Variants in RPL23A observed in about 807,000 individuals in gnomAD.
RPL23A encodes ribosomal protein L23a, also known as large ribosomal subunit protein uL23.
A neutral mutation model predicts 17.6 loss-of-function variants in RPL23A; 2 were observed. The ratio of observed to expected loss-of-function variants is 0.11; its 90% CI spans 0.05 to 0.36. The LOEUF (loss-of-function observed/expected upper bound fraction) is 0.36. Among genes scored for constraint, RPL23A ranks in the 10% least tolerant of loss-of-function variants. RPL23A has a pLI of 1.00. For missense variants in RPL23A, 132 were observed against 194.4 expected, an observed-to-expected ratio of 0.68 and a Z score of 1.91; for synonymous variants, 65 against 74.3, an observed-to-expected ratio of 0.87 and a Z score of 0.65.
In RPL23A at chr17:28,723,183, T is replaced by G. The variant is rs532652672; in HGVS notation, c.386+284T>G. On this transcript the variant is annotated intron_variant, in intron 3 of 4. Transcript: ENST00000422514. ...AAAAGGTTCCTTGACTTAAACTTGG[T>G]GTAGGTTTAGCAGTGTGTGTGAGCC... 29 of 518,560 alleles carry G rather than the reference T, an allele frequency of 5.6e-5. No individual in the cohort carries two copies. The Admixed American group carries it at 7.7e-4, about 14-fold the overall frequency. 32.1% of individuals were successfully genotyped at this position (518,560 alleles called of 1,614,324 possible). A position where few individuals can be genotyped will look rare whatever the true frequency, so the allele number is the denominator to read the frequency against.
In RPL23A at chr17:28,720,764, T is replaced by A; in HGVS notation, c.83T>A (p.Val28Glu). ...AAGGCTTTAAAGGCCAAGAAGGCAGTGTTGAAAGGTGTCCACAGCCACAAA... is the reference window on the plus strand; with the variant it reads ...AAGGCTTTAAAGGCCAAGAAGGCAGAGTTGAAAGGTGTCCACAGCCACAAA... ...KAKALKAKKA[V>E]LKGVHSHKKK... Residue 28 changes from valine to glutamate, a missense_variant, in exon 2 of 5, where the codon GTG (valine) becomes GAG (glutamate). Val to Glu is a moderately radical substitution (Grantham distance 121, BLOSUM62 -2). Around this residue, in one of 2 missense-constraint regions of RPL23A, gnomAD observed 63 missense variants for 48.9 expected, o/e 1.29. Coordinates refer to ENST00000422514, the MANE Select transcript of RPL23A (RefSeq NM_000984.6). 6.2e-7 allele frequency: 1 copy of A among 1,612,922 alleles called. No homozygotes were observed. Among genetic ancestry groups the A allele is most frequent in the South Asian group, 1.1e-5 (1 of 91,050 alleles).
At position 28,720,014 on chromosome 17, in the gene RPL23A, G is replaced by A. The variant is rs1337583092; in HGVS notation, c.9G>A (p.Pro3=). The change falls in exon 1 of 5, where the codon CCG becomes CCA. Residue 3 remains proline (P), a synonymous_variant. Transcript: ENST00000422514. ...GAGACCCTTTTCACAAGATGGCGCC[G>A]AAAGCGAAGAAGGAAGGTGTGTGTT... The part of the protein sequence containing the change: MA[P]KAKKEAPAPP... 2 of 1,551,908 alleles carry A rather than the reference G, an allele frequency of 1.3e-6. No homozygotes were observed. The highest frequency in any genetic ancestry group is 1.7e-6 in the Non-Finnish European group (2 of 1,147,070).
rs371572344 is a variant in RPL23A at position 28,722,753 on chromosome 17, G to A, written c.240G>A (p.Pro80=). 5.4e-5 allele frequency: 87 copies of A among 1,613,870 alleles called. No homozygotes were observed. The highest frequency in any genetic ancestry group is 1.7e-4 in the Middle Eastern group (1 of 6,040). Residue 80 remains proline (P), a synonymous_variant, in exon 3 of 5, where the codon CCG becomes CCA. Coordinates refer to ENST00000422514, the MANE Select transcript of RPL23A (RefSeq NM_000984.6). ...ACCACTATGCTATCATCAAGTTTCC[G>A]CTGACCACTGAGTCTGCCATGAAGA... ...KLDHYAIIKF[P]LTTESAMKKI... is the part of the protein sequence containing the mutation.
At chr17:28,722,381 G>T in intron 2 of RPL23A, 1 of 386,412 alleles carries the variant, frequency 2.6e-6, no homozygotes, top group East Asian at 6.3e-5. Flanking sequence ...GTTTCACCAT[G>T]TTGGCCAGGA....
At chr17:28,723,443 A>G in intron 3 of RPL23A, 128 bp from the exon 4 acceptor site, 1 of 813,840 alleles carries the variant, frequency 1.2e-6, no homozygotes, top group Non-Finnish European at 2.2e-6. Flanking sequence ...TAATGATGGA[A>G]AAATCATTAT....
intron 1 of RPL23A, chr17:28,720,342 G>A (rs1466426032): frequency 1.3e-6 from 2 of 1,551,706 alleles, no homozygotes; most frequent in Non-Finnish European, 1.7e-6. Context: ...AGGAATTAGT[G>A]CCCTCAGCTT....
chr17:28,720,899 T>G lies in RPL23A; in HGVS notation c.209+9T>G. 1 of 1,612,098 alleles carries G rather than the reference T, an allele frequency of 6.2e-7. No individual in the cohort carries two copies. The highest frequency in any genetic ancestry group is 8.5e-7 in the Non-Finnish European group (1 of 1,178,266). ...GCTCCCAGGAGAAACAAGTCAGTAC[T>G]GCCCCCTGTACCCATGAAAAGATTT... On this transcript the variant is annotated intron_variant, in intron 2 of 4. Transcript: ENST00000422514.
Position 28,722,714 on chromosome 17 carries a change from C to T in RPL23A, c.210-9C>T, listed in dbSNP as rs1190496739. 1.9e-6 allele frequency: 3 copies of T among 1,613,852 alleles called. No individual in the cohort carries two copies. Among genetic ancestry groups the T allele is most frequent in the African/African-American group, 1.3e-5 (1 of 74,924 alleles). ...CCCAGGCCAGGTGACCCCATTTTGC[C>T]TCTCCCAGGCTTGACCACTATGCTA... is the stretch of plus-strand genomic sequence containing the variant. On this transcript the variant is annotated splice_polypyrimidine_tract_variant and intron_variant, in intron 2 of 4. Coordinates refer to ENST00000422514, the MANE Select transcript of RPL23A (RefSeq NM_000984.6).
At chr17:28,720,477 C>G in intron 1 of RPL23A, 2 of 1,593,866 alleles carry the variant, frequency 1.3e-6, no homozygotes, top group Non-Finnish European at 1.7e-6. Context: ...ATCAAGCGTT[C>G]ATTCAGTGCT....
At chr17:28,722,260 AAAAG>A (rs1220516467) in intron 2 of RPL23A, 1 of 245,990 alleles carries the variant, frequency 4.1e-6, no homozygotes, top group Admixed American at 4.8e-5. Context: ...AAAAAAAAAA[AAAAG>A]GAATTTGCCC....
At position 28,723,271 on chromosome 17, in the gene RPL23A, G is replaced by T. The variant is rs990863413; in HGVS notation, c.387-300G>T. ...TTTGTGTGGACCTGAGGCTTTCTAG[G>T]ACTTGATTGGGGGTTGGTCCTCATT... On this transcript the variant is annotated intron_variant, in intron 3 of 4. Coordinates refer to ENST00000422514, the MANE Select transcript of RPL23A (RefSeq NM_000984.6). 65 of 567,944 alleles carry T rather than the reference G, an allele frequency of 1.1e-4. No homozygotes were observed. In the African/African-American group the frequency reaches 1.2e-3, roughly 10 times the overall value. 35.2% of individuals were successfully genotyped at this position (567,944 alleles called of 1,614,324 possible).
chr17:28,723,113 T>C (rs527578097), intron 3 of RPL23A, among the ~76,000 whole-genome samples: 2 of 131,508 alleles, frequency 1.5e-5, no homozygotes, highest in African/African-American at 5.6e-5. Context: ...AGGCCCTTTT[T>C]AAAAAAAAAA....
intron 2 of RPL23A, chr17:28,722,455 C>G (rs2034132345): frequency 1.8e-6 from 1 of 565,354 alleles, no homozygotes; most frequent in African/African-American, 1.9e-5. Context: ...GGGAATACAG[C>G]CATGAGCCAG....
At position 28,723,051 on chromosome 17, in the gene RPL23A, C is replaced by T. The variant is rs1378956580; in HGVS notation, c.386+152C>T. The T allele has an allele frequency of 4.8e-5, 31 of 644,328 alleles. No individual in the cohort carries two copies. The South Asian group carries it at 4.9e-4, about 10-fold the overall frequency. 39.9% of individuals were successfully genotyped at this position (644,328 alleles called of 1,614,324 possible). A position where few individuals can be genotyped will look rare whatever the true frequency, so the allele number is the denominator to read the frequency against. ...AGCTATGCAGGAGGATCTCTTGAGG[C>T]CAGGAATCACCCATGATTGCCCCAT... On this transcript the variant is annotated intron_variant, in intron 3 of 4. Coordinates refer to ENST00000422514, the MANE Select transcript of RPL23A (RefSeq NM_000984.6).
rs2034167040 is a variant in RPL23A, at chr17:28,724,082, C to T, written c.*201C>T. ...CACCATGTATGATCATTCCAGAGAT[C>T]TTTGTGACTAGAGTTAGTGTCCTAG... is the stretch of plus-strand genomic sequence containing the variant. On this transcript the variant is annotated 3_prime_UTR_variant, in exon 5 of 5. Coordinates refer to ENST00000422514, the MANE Select transcript of RPL23A (RefSeq NM_000984.6). The T allele has an allele frequency of 5.6e-6, 3 of 532,132 alleles. No individual in the cohort carries two copies. Among genetic ancestry groups the T allele is most frequent in the Admixed American group, 7.1e-5 (2 of 28,054 alleles). The allele number at this position is 532,132 out of a possible 1,614,324, so 33.0% of individuals were successfully genotyped here. A position where few individuals can be genotyped will look rare whatever the true frequency, so the allele number is the denominator to read the frequency against.
chr17:28,720,204 C>T, intron 1 of RPL23A, 174 bp downstream of exon 1: 3 of 1,533,614 alleles, frequency 2.0e-6, no homozygotes, highest in Non-Finnish European at 2.6e-6. Context: ...GCCTCGTGGG[C>T]TGAGTTCCGG....
intron 3 of RPL23A, 103 bp from the exon 4 acceptor site, chr17:28,723,468 A>G: frequency 1.2e-6 from 1 of 851,888 alleles, no homozygotes; most frequent in Non-Finnish European, 2.1e-6. Context: ...AAAGAATGAC[A>G]TGAACAAAGG....
intron 2 of RPL23A, chr17:28,721,659 A>G (rs528212137): frequency 6.6e-6 from 1 of 152,330 alleles, no homozygotes; most frequent in South Asian, 2.1e-4. Context: ...GGGAATGGGC[A>G]GAAGGTTGGG....
intron 1 of RPL23A, 119 bp downstream of exon 1, chr17:28,720,149 C>CT (rs1311232996): frequency 6.5e-7 from 1 of 1,529,718 alleles, no homozygotes; most frequent in Non-Finnish European, 8.8e-7. Context: ...GGGCTGCTCC[C>CT]TGCGTTTCGG....
Sources: gnomAD v4.1 joint callset for allele counts (sites outside exome capture counted in the v4.1 genomes callset) on GRCh38, gnomAD v4.1.1 for gene constraint, gnomAD v4.1.1 regional missense constraint, MANE v1.5 for transcripts, NCBI Gene and HGNC (gene_info 2026-07-23, HGNC 2026-07-21) for gene names.